The following DNAH7 variants were observed in gnomAD, a reference collection of about 807,000 sequenced individuals.
DNAH7 encodes the protein dynein axonemal heavy chain 7, also known as axonemal beta dynein heavy chain 7.
In DNAH7, 397 loss-of-function variants were observed where a neutral mutation model predicts 444.6. The ratio of observed to expected loss-of-function variants is 0.89; its 90% CI spans 0.82 to 0.97. The LOEUF is 0.97. Ranked by LOEUF, DNAH7 falls within the 50% of genes least tolerant of loss-of-function variation. The probability of loss-of-function intolerance (pLI) is 0.00; values close to 1 mark genes in which losing one functional copy is unlikely to be tolerated. For missense variants in DNAH7, 4,902 were observed against 4,800.8 expected (o/e 1.02, Z -0.62); for synonymous variants, 1,636 against 1,624.4 (o/e 1.01, Z -0.17).
intron 7 of DNAH7, among the ~76,000 whole-genome samples, chr2:196,025,724 A>G (rs540661479): frequency 6.6e-6 from 1 of 152,214 alleles, no homozygotes; most frequent in East Asian, 1.9e-4. Context: ...TTAATTGTCT[A>G]TCTCCCTCAT....
rs774536530 is a variant in DNAH7, at chr2:195,799,425, T to C, written c.10224A>G (p.Ala3408=). 2 of 1,609,464 alleles carry C rather than the reference T, an allele frequency of 1.2e-6. No homozygotes were observed. Among genetic ancestry groups the C allele is most frequent in the Non-Finnish European group, 1.7e-6 (2 of 1,178,000 alleles). ...QEFIINRLGR[A]FIEPPPFDLA... Reference sequence around the variant, plus strand: ...AATCAAAGGGGGGTGGTTCAATGAATGCACGTCCCAATCTGTTGATTATAA... The same window carrying C: ...AATCAAAGGGGGGTGGTTCAATGAACGCACGTCCCAATCTGTTGATTATAA... Residue 3408 remains alanine, a synonymous_variant, in exon 55 of 65, where the codon GCA becomes GCG. Coordinates refer to ENST00000312428, the MANE Select transcript of DNAH7 (RefSeq NM_018897.3).
rs1559062215 is a variant in DNAH7 at position 195,740,630 on chromosome 2, TATATATATATATATACATATAC to T, written c.11868+114_11868+135del. 7.8e-4 allele frequency: 82 copies of T among 104,512 alleles called. 1 individual carries two copies. The highest frequency in any genetic ancestry group is 4.0e-3 in the African/African-American group (80 of 19,906). 6.5% of individuals were successfully genotyped at this position (104,512 alleles called of 1,614,324 possible). On this transcript the variant is annotated intron_variant, in intron 64 of 64. Coordinates refer to ENST00000312428, the MANE Select transcript of DNAH7 (RefSeq NM_018897.3). ...GTGTGTGTGTGTATATATATATATA[TATATATATATATATACATATAC>T]ACACACACATATGTATACACATATA...
At chr2:195,891,836 A>G (rs1164192753) in intron 30 of DNAH7, 32 bp from the exon 31 acceptor site, 1 of 1,507,740 alleles carries the variant, frequency 6.6e-7, no homozygotes, top group African/African-American at 1.4e-5. Context: ...TTATTTATGT[A>G]AAGAATACTG....
In DNAH7 at chr2:195,987,094, A is replaced by G. The variant is rs752575383; in HGVS notation, c.1726T>C (p.Phe576Leu). ...GTATTTACTTCCTGATGATCTCTGA[A>G]CATTTTAGCTAGAAGTTTCCCACAA... is the stretch of plus-strand genomic sequence containing the variant. The part of the protein sequence containing the change: ...IICGKLLAKM[F>L]RDHQEVNTRL... The change falls in exon 14 of 65, where the codon TTC (phenylalanine) becomes CTC (leucine). Residue 576 changes from phenylalanine to leucine, a missense_variant. Phe to Leu is a conservative substitution (Grantham distance 22). Coordinates refer to ENST00000312428, the MANE Select transcript of DNAH7 (RefSeq NM_018897.3). 3.1e-6 allele frequency: 5 copies of G among 1,605,382 alleles called. No individual in the cohort carries two copies. The highest frequency in any genetic ancestry group is 4.2e-6 in the Non-Finnish European group (5 of 1,177,662).
intron 19 of DNAH7, among the ~76,000 whole-genome samples, chr2:195,948,568 T>C (rs964284204): frequency 6.6e-6 from 1 of 152,218 alleles, no homozygotes; most frequent in Non-Finnish European, 1.5e-5. Context: ...TCATTGCTTG[T>C]TTTTGTCAGG....
chr2:196,061,324 T>G (rs1472647298), intron 1 of DNAH7, among the ~76,000 whole-genome samples: 1 of 152,098 alleles, frequency 6.6e-6, no homozygotes, highest in African/African-American at 2.4e-5. Flanking sequence ...TCTCCCAAAT[T>G]TATCTCCCCC....
chr2:195,833,465 C>A (rs1194794719), intron 48 of DNAH7, among the ~76,000 whole-genome samples: 1 of 152,304 alleles, frequency 6.6e-6, no homozygotes, highest in South Asian at 2.1e-4. Context: ...GGTCTAATAA[C>A]AAGTGAGACT....
At chr2:196,042,148 A>G (rs936902605) in intron 5 of DNAH7, among the ~76,000 whole-genome samples, 1 of 152,078 alleles carries the variant, frequency 6.6e-6, no homozygotes. Context: ...TATAGGAAAC[A>G]GTATGGAAGT....
At chr2:196,001,372 C>CTTTTTT (rs5837487) in intron 11 of DNAH7, among the ~76,000 whole-genome samples, 15 of 149,116 alleles carry the variant, frequency 1.0e-4, no homozygotes, top group African/African-American at 3.5e-4. Flanking sequence ...GACATTAACT[C>CTTTTTT]TTTTTTTTTT....
rs773008504 is a variant in DNAH7, at chr2:195,834,268, A to T, written c.9038T>A (p.Ile3013Asn). The change falls in exon 48 of 65, where the codon ATT becomes AAT. Residue 3013 changes from isoleucine (I) to asparagine (N), a missense_variant. Physicochemically the swap from Ile to Asn is moderately radical, Grantham distance 149 (BLOSUM62 -3). Coordinates refer to ENST00000312428, the MANE Select transcript of DNAH7 (RefSeq NM_018897.3). ...GACATAGTCAGGTTCACTAAGTTTA[A>T]TCACATAAAGACTATTGGCTTTTTC... is the stretch of plus-strand genomic sequence containing the variant. The part of the protein sequence containing the change: ...NMEKANSLYV[I>N]KLSEPDYVRT... The T allele has an allele frequency of 6.2e-7, 1 of 1,609,418 alleles. No homozygotes were observed. The highest frequency in any genetic ancestry group is 2.2e-5 in the East Asian group (1 of 44,738).
chr2:195,806,312 C>T lies in DNAH7; in HGVS notation c.10176+428G>A, dbSNP rs764394268. On this transcript the variant is annotated intron_variant, in intron 54 of 64. Coordinates refer to ENST00000312428, the MANE Select transcript of DNAH7 (RefSeq NM_018897.3). ...CATTTTCCTTTGTTGTCAATAATGA[C>T]GAATGTCTTAAATTCAAATTCCAAC... Among the ~76,000 whole-genome samples, 13 of 152,070 alleles carry T rather than the reference C, an allele frequency of 8.5e-5. No individual in the cohort carries two copies. The South Asian group carries it at 1.0e-3, about 12-fold the overall frequency.
chr2:196,002,413 AATGTGT>A (rs1694094238), intron 10 of DNAH7, among the ~76,000 whole-genome samples: 1 of 151,916 alleles, frequency 6.6e-6, no homozygotes, highest in Non-Finnish European at 1.5e-5. Context: ...CAAAGTTTCG[AATGTGT>A]ATGTGTCCTT....
intron 49 of DNAH7, among the ~76,000 whole-genome samples, chr2:195,818,145 C>T (rs926860919): frequency 6.6e-5 from 10 of 152,154 alleles, no homozygotes; most frequent in African/African-American, 2.2e-4. Context: ...AGGTTGGAAG[C>T]TATCTTTCAT....
At chr2:196,058,138 AC>A (rs1697923970) in intron 1 of DNAH7, 22 bp from the exon 2 acceptor site, 3 of 1,562,186 alleles carry the variant, frequency 1.9e-6, no homozygotes, top group Admixed American at 4.1e-5. Flanking sequence ...ACATGAAAAA[AC>A]AAAACTGTTT....
chr2:195,831,594 T>C (rs1698074490), intron 48 of DNAH7, among the ~76,000 whole-genome samples: 1 of 152,238 alleles, frequency 6.6e-6, no homozygotes, highest in Non-Finnish European at 1.5e-5. Context: ...TCTCCTTCCA[T>C]TAAGAGATTA....
At position 195,934,587 on chromosome 2, in the gene DNAH7, C is replaced by T. The variant is rs1189065224; in HGVS notation, c.3471+4G>A. The T allele has an allele frequency of 6.2e-7, 1 of 1,613,590 alleles. No homozygotes were observed. Reference sequence around the variant, plus strand: ...TTCTAAAAATCATCAGTATAATCAGCTACCTTGTGGATGGAGTTAATCATA... The same window carrying T: ...TTCTAAAAATCATCAGTATAATCAGTTACCTTGTGGATGGAGTTAATCATA... On this transcript the variant is annotated splice_donor_region_variant and intron_variant, in intron 21 of 64. Transcript: ENST00000312428.
rs981443101 is a variant in DNAH7, at chr2:195,888,356, A to G, written c.5308T>C (p.Leu1770=). The change falls in exon 33 of 65, where the codon TTA becomes CTA. Residue 1770 remains leucine, a synonymous_variant. Coordinates refer to ENST00000312428, the MANE Select transcript of DNAH7 (RefSeq NM_018897.3). Reference sequence around the variant, plus strand: ...TGAATAACACTGACTGACGCAGGTAACAGATTCACCCAGGACAACATCAGT... The same window carrying G: ...TGAATAACACTGACTGACGCAGGTAGCAGATTCACCCAGGACAACATCAGT... ...RPLMLSWVNL[L]PASVSVIQKE... is the part of the protein sequence containing the mutation. The G allele has an allele frequency of 6.2e-7, 1 of 1,610,206 alleles. No individual in the cohort carries two copies. Among genetic ancestry groups the G allele is most frequent in the African/African-American group, 1.3e-5 (1 of 74,620 alleles).
intron 19 of DNAH7, among the ~76,000 whole-genome samples, chr2:195,955,880 CTATA>C (rs1482833361): frequency 1.3e-5 from 2 of 152,076 alleles, no homozygotes; most frequent in Admixed American, 6.6e-5. Context: ...TGTAAGGAAA[CTATA>C]TATAAAAGAC....
At chr2:195,886,107 T>C (rs368471958) in intron 34 of DNAH7, 34 bp downstream of exon 34, 23 of 1,590,834 alleles carry the variant, frequency 1.4e-5, no homozygotes, top group Non-Finnish European at 1.6e-5. Context: ...TACCTGTCTT[T>C]CTGTAGCAGG....
Sources: gnomAD v4.1 joint callset for allele counts (sites outside exome capture counted in the v4.1 genomes callset) on GRCh38, gnomAD v4.1.1 for gene constraint, MANE v1.5 for transcripts, NCBI Gene and HGNC (gene_info 2026-07-23, HGNC 2026-07-21) for gene names.